Variants in SIPA1L1 observed in about 807,000 individuals in gnomAD.
SIPA1L1 encodes the protein signal-induced proliferation-associated 1-like protein 1.
In SIPA1L1, 26 loss-of-function variants were observed where a neutral mutation model predicts 162.7. The observed-to-expected ratio is 0.16, with a 90% CI of 0.12 to 0.22. SIPA1L1 has a LOEUF of 0.22. Ranked by LOEUF, SIPA1L1 falls within the 10% of genes least tolerant of loss-of-function variation. The probability of loss-of-function intolerance (pLI) is 1.00; values close to 1 mark genes in which losing one functional copy is unlikely to be tolerated. For missense variants in SIPA1L1, 1,874 were observed against 2,241.0 expected (o/e 0.84, Z 3.31); for synonymous variants, 829 against 837.4 (o/e 0.99, Z 0.17).
chr14:71,588,950 A>G lies in SIPA1L1; in HGVS notation c.1078A>G (p.Thr360Ala), dbSNP rs879206174. The change falls in exon 5 of 24, where the codon ACC becomes GCC. Residue 360 changes from threonine (T) to alanine (A), a missense_variant. Physicochemically the swap from Thr to Ala is moderately conservative, Grantham distance 58. Coordinates refer to ENST00000381232, the MANE Select transcript of SIPA1L1 (RefSeq NM_001386936.1). The surrounding 1 kb of genome is among the most constrained non-coding windows in gnomAD (Gnocchi z 4.3). ...RHNVIKRRNTTTGASAAAVAS... is the reference protein window; with the variant it reads ...RHNVIKRRNTATGASAAAVAS... Reference sequence around the variant, plus strand: ...CAATGTTATTAAGAGGAGAAACACCACCACTGGAGCTTCCGCAGCTGCCGT... The same window carrying G: ...CAATGTTATTAAGAGGAGAAACACCGCCACTGGAGCTTCCGCAGCTGCCGT... The G allele has an allele frequency of 1.9e-6, 3 of 1,614,052 alleles. No homozygotes were observed. Among genetic ancestry groups the G allele is most frequent in the Admixed American group, 3.3e-5 (2 of 60,010 alleles).
chr14:71,427,567 T>C (rs1390431586), intron 2 of SIPA1L1, among the ~76,000 whole-genome samples: 1 of 152,216 alleles, frequency 6.6e-6, no homozygotes, highest in Non-Finnish European at 1.5e-5. Flanking sequence ...CTTAGCTTGA[T>C]GGTGTCCCAT....
intron 16 of SIPA1L1, among the ~76,000 whole-genome samples, chr14:71,707,585 C>T (rs903448983): frequency 2.1e-4 from 32 of 152,178 alleles, no homozygotes; most frequent in Admixed American, 1.2e-3. Context: ...TGGCTTCTCT[C>T]GCTGATTATG....
intron 2 of SIPA1L1, among the ~76,000 whole-genome samples, chr14:71,452,528 T>G (rs2045905519): frequency 6.6e-6 from 1 of 152,208 alleles, no homozygotes; most frequent in Admixed American, 6.5e-5. Flanking sequence ...CACATTTCTG[T>G]TAGGCATCTA....
chr14:71,714,561 C>T (rs1039402881), intron 17 of SIPA1L1, among the ~76,000 whole-genome samples: 1 of 146,880 alleles, frequency 6.8e-6, no homozygotes, highest in Non-Finnish European at 1.5e-5. Flanking sequence ...GAAATAATCT[C>T]AAGAGATTTC....
intron 15 of SIPA1L1, 74 bp from the exon 16 acceptor site, chr14:71,705,148 A>G (rs2082349527): frequency 2.9e-6 from 3 of 1,038,974 alleles, no homozygotes; most frequent in Non-Finnish European, 4.5e-6. Context: ...TGCAATGGCA[A>G]GCCATCTTCA....
chr14:71,557,539 A>G (rs1008427771), intron 4 of SIPA1L1, among the ~76,000 whole-genome samples: 2 of 152,198 alleles, frequency 1.3e-5, no homozygotes, highest in Non-Finnish European at 2.9e-5. Context: ...TTTGGCTTTG[A>G]TGTGGTACTT....
chr14:71,352,154 A>G (rs2036781032), intron 2 of SIPA1L1, among the ~76,000 whole-genome samples: 1 of 152,082 alleles, frequency 6.6e-6, no homozygotes, highest in Non-Finnish European at 1.5e-5. Context: ...AGAAAAGTGC[A>G]GAAAGCACAA....
Position 71,705,284 on chromosome 14 carries a change from G to A in SIPA1L1, c.3709G>A (p.Gly1237Arg). The A allele has an allele frequency of 6.2e-7, 1 of 1,614,176 alleles. No individual in the cohort carries two copies. Among genetic ancestry groups the A allele is most frequent in the Non-Finnish European group, 8.5e-7 (1 of 1,180,028 alleles). The change falls in exon 16 of 24, where the codon GGG becomes AGG. Residue 1237 changes from glycine (G) to arginine (R), a missense_variant. Physicochemically the swap from Gly to Arg is moderately radical, Grantham distance 125. Coordinates refer to ENST00000381232, the MANE Select transcript of SIPA1L1 (RefSeq NM_001386936.1). ...VLPAFRESPS[G>R]RLMRQDPVVH... ...GCCAGCTTTCCGAGAGAGCCCCAGT[G>A]GGAGATTAATGCGGCAGGATCCAGT... is the stretch of plus-strand genomic sequence containing the variant.
At chr14:71,350,414 A>G (rs1471112232) in intron 2 of SIPA1L1, among the ~76,000 whole-genome samples, 2 of 152,242 alleles carry the variant, frequency 1.3e-5, no homozygotes, top group Non-Finnish European at 1.5e-5. Context: ...TCTCAAGACA[A>G]AACAAAAAAA....
chr14:71,562,178 A>T (rs1015867678), intron 4 of SIPA1L1, among the ~76,000 whole-genome samples: 5 of 151,810 alleles, frequency 3.3e-5, no homozygotes, highest in African/African-American at 1.2e-4. Flanking sequence ...ACTCTTGGGG[A>T]TACTATGGTC....
At chr14:71,685,022 T>A (rs1429189609) in intron 12 of SIPA1L1, among the ~76,000 whole-genome samples, 1 of 152,188 alleles carries the variant, frequency 6.6e-6, no homozygotes, top group South Asian at 2.1e-4. Flanking sequence ...CTTCATGCTC[T>A]CAGGTATGCC....
At chr14:71,614,494 AGCATGGGAAATTGG>A (rs1302525978) in intron 5 of SIPA1L1, among the ~76,000 whole-genome samples, 1 of 152,202 alleles carries the variant, frequency 6.6e-6, no homozygotes, top group African/African-American at 2.4e-5. Flanking sequence ...TGGTGAATTT[AGCATGGGAAATTGG>A]ACCGGAGTCT....
intron 2 of SIPA1L1, among the ~76,000 whole-genome samples, chr14:71,350,361 T>C (rs1446383482): frequency 2.6e-5 from 4 of 151,886 alleles, no homozygotes; most frequent in Admixed American, 6.6e-5. Flanking sequence ...TGAGCCGAGA[T>C]CGCACCACTG....
At chr14:71,679,929 A>G (rs1425559730) in intron 12 of SIPA1L1, among the ~76,000 whole-genome samples, 2 of 152,224 alleles carry the variant, frequency 1.3e-5, no homozygotes, top group African/African-American at 4.8e-5. Flanking sequence ...CCAGATTCAT[A>G]AAGCAAGTCC....
chr14:71,655,924 G>T (rs1206868076), intron 8 of SIPA1L1, among the ~76,000 whole-genome samples: 1 of 151,930 alleles, frequency 6.6e-6, no homozygotes, highest in Non-Finnish European at 1.5e-5. Flanking sequence ...TAGGTTGTCT[G>T]TTTACTCTGT....
rs58628136 is a variant in SIPA1L1 at position 71,417,469 on chromosome 14, C to CAAAAAAA, written c.-464-95246_-464-95240dup. ...CCTGGGCGACAGCGAGACTCCGTCTCAAAAAAAAAAAAAAAAAAAAAAAAA... is the reference window on the plus strand; with the variant it reads ...CCTGGGCGACAGCGAGACTCCGTCTCAAAAAAAAAAAAAAAAAAAAAAAAAAAAAAAA... On this transcript the variant is annotated intron_variant, in intron 2 of 23. Transcript: ENST00000381232. Among the ~76,000 whole-genome samples the CAAAAAAA allele has an allele frequency of 4.2e-3, 74 of 17,770 alleles. 15 individuals are homozygous for CAAAAAAA. Among genetic ancestry groups the CAAAAAAA allele is most frequent in the African/African-American group, 9.8e-3 (45 of 4,610 alleles). The allele number at this position is 17,770 out of a possible 152,430, so 11.7% of individuals were successfully genotyped here.
At chr14:71,642,657 A>G (rs1483009656) in intron 7 of SIPA1L1, among the ~76,000 whole-genome samples, 1 of 152,240 alleles carries the variant, frequency 6.6e-6, no homozygotes, top group African/African-American at 2.4e-5. Flanking sequence ...GGTAATATTC[A>G]TAATGTCTGA....
chr14:71,738,193 C>CCCA, intron 22 of SIPA1L1, 48 bp from the exon 23 acceptor site: 1 of 979,496 alleles, frequency 1.0e-6, no homozygotes, highest in Non-Finnish European at 1.5e-6. Context: ...AAAACAAACC[C>CCCA]AGCCATGGAG....
At chr14:71,526,551 G>T (rs1471530514) in intron 3 of SIPA1L1, among the ~76,000 whole-genome samples, 2 of 152,152 alleles carry the variant, frequency 1.3e-5, no homozygotes, top group Non-Finnish European at 2.9e-5. Flanking sequence ...TGTAGCAGGC[G>T]AAACTAAGGC....
Sources: gnomAD v4.1 joint callset for allele counts (sites outside exome capture counted in the v4.1 genomes callset) on GRCh38, gnomAD v4.1.1 for gene constraint, Gnocchi (gnomAD v3.1) non-coding constraint, MANE v1.5 for transcripts, NCBI Gene and HGNC (gene_info 2026-07-23, HGNC 2026-07-21) for gene names.